MYRIP: variants seen among roughly 807,000 people sequenced by gnomAD.
MYRIP encodes the protein myosin VIIA and Rab interacting protein.
MYRIP carries 49 observed loss-of-function variants against 98.0 expected under a neutral mutation model. The observed-to-expected ratio is 0.50, with a 90% CI of 0.40 to 0.63. MYRIP has a LOEUF of 0.63. MYRIP is among the 30% of genes least tolerant of loss of function. The pLI, the probability that MYRIP is intolerant of heterozygous loss-of-function variation, is 0.00. For missense variants in MYRIP, 1,004 were observed against 1,058.2 expected (o/e 0.95, Z 0.71); for synonymous variants, 404 against 409.5 (o/e 0.99, Z 0.16).
chr3:39,869,446 G>A (rs987376184), intron 1 of MYRIP, among the ~76,000 whole-genome samples: 1 of 151,834 alleles, frequency 6.6e-6, no homozygotes, highest in African/African-American at 2.4e-5. Flanking sequence ...ATTCTCTGGT[G>A]ATACATCATT....
intron 3 of MYRIP, among the ~76,000 whole-genome samples, chr3:40,054,712 G>A (rs1259874423): frequency 6.6e-6 from 1 of 152,096 alleles, no homozygotes; most frequent in Non-Finnish European, 1.5e-5. Context: ...CCTACAAAGT[G>A]TGGACTTGCT....
At chr3:39,881,747 T>C (rs552917768) in intron 1 of MYRIP, among the ~76,000 whole-genome samples, 2 of 152,254 alleles carry the variant, frequency 1.3e-5, no homozygotes, top group East Asian at 3.9e-4. Context: ...TATTTTAACC[T>C]TTTTAGCTCT....
chr3:40,104,382 C>T (rs1349097570), intron 3 of MYRIP, among the ~76,000 whole-genome samples: 1 of 152,092 alleles, frequency 6.6e-6, no homozygotes, highest in Non-Finnish European at 1.5e-5. Context: ...AGAAGATGAA[C>T]AAAAGTAGAA....
chr3:39,966,327 A>G (rs1346197263), intron 2 of MYRIP, among the ~76,000 whole-genome samples: 2 of 152,208 alleles, frequency 1.3e-5, no homozygotes, highest in Non-Finnish European at 2.9e-5. Flanking sequence ...AGGTTCTCCA[A>G]TGGTTACCAG....
At chr3:39,959,259 A>T (rs1945256286) in intron 2 of MYRIP, among the ~76,000 whole-genome samples, 1 of 152,224 alleles carries the variant, frequency 6.6e-6, no homozygotes, top group Non-Finnish European at 1.5e-5. Flanking sequence ...AATAGCAAAG[A>T]CTTGGAACCA....
chr3:39,914,723 A>G (rs952730942), intron 2 of MYRIP, among the ~76,000 whole-genome samples: 2 of 152,126 alleles, frequency 1.3e-5, no homozygotes, highest in African/African-American at 4.8e-5. Context: ...ATGCACCTAT[A>G]CTTCCTGCTA....
At chr3:39,959,206 A>G (rs1000831839) in intron 2 of MYRIP, among the ~76,000 whole-genome samples, 3 of 152,238 alleles carry the variant, frequency 2.0e-5, no homozygotes, top group Admixed American at 1.3e-4. Context: ...TCATGCTGCT[A>G]TAAAGACACA....
intron 2 of MYRIP, among the ~76,000 whole-genome samples, chr3:39,923,126 C>A (rs994199766): frequency 6.6e-6 from 1 of 151,896 alleles, no homozygotes; most frequent in Non-Finnish European, 1.5e-5. Flanking sequence ...GCAGGTAGAA[C>A]AATAGAAATT....
At chr3:40,080,784 C>T (rs999875607) in intron 3 of MYRIP, among the ~76,000 whole-genome samples, 1 of 132,754 alleles carries the variant, frequency 7.5e-6, no homozygotes, top group African/African-American at 2.7e-5. Flanking sequence ...GTTTTCTATC[C>T]TAACTTCTTT....
At chr3:39,976,034 C>A (rs1173941006) in intron 2 of MYRIP, among the ~76,000 whole-genome samples, 5 of 152,168 alleles carry the variant, frequency 3.3e-5, no homozygotes, top group South Asian at 2.1e-4. Context: ...GCAACAAAAG[C>A]CAAAATTGAC....
At chr3:40,247,651 G>A (rs58214074) in intron 13 of MYRIP, among the ~76,000 whole-genome samples, 8,344 of 152,224 alleles carry the variant, frequency 0.055, 393 homozygotes, top group African/African-American at 0.13. Context: ...AGCCTCCCGA[G>A]TAGCTGGGAT....
At chr3:39,888,789 G>T (rs141530037) in intron 1 of MYRIP, among the ~76,000 whole-genome samples, 2,214 of 152,238 alleles carry the variant, frequency 0.015, 23 homozygotes, top group Middle Eastern at 0.027. Context: ...ATCTGACAAA[G>T]GGTAATATCC....
At chr3:39,870,269 C>G (rs1942746357) in intron 1 of MYRIP, among the ~76,000 whole-genome samples, 1 of 152,154 alleles carries the variant, frequency 6.6e-6, no homozygotes. Context: ...GAAGGAGAGA[C>G]CTGACACAGA....
chr3:39,936,063 A>T (rs1944650022), intron 2 of MYRIP, among the ~76,000 whole-genome samples: 1 of 151,510 alleles, frequency 6.6e-6, no homozygotes, highest in South Asian at 2.1e-4. Flanking sequence ...ATGTTATTCA[A>T]ATTCTATTGA....
chr3:39,894,931 T>C (rs1305938234), intron 1 of MYRIP, among the ~76,000 whole-genome samples: 1 of 152,204 alleles, frequency 6.6e-6, no homozygotes, highest in Non-Finnish European at 1.5e-5. Context: ...CCTCTACAAA[T>C]GTATATAAGT....
intron 1 of MYRIP, among the ~76,000 whole-genome samples, chr3:39,818,836 T>C (rs956542033): frequency 9.2e-5 from 14 of 152,156 alleles, no homozygotes; most frequent in Non-Finnish European, 1.8e-4. Flanking sequence ...CTAATTTAAA[T>C]TTCTATAGCA....
chr3:39,881,457 C>T (rs572177779), intron 1 of MYRIP, among the ~76,000 whole-genome samples: 33 of 152,288 alleles, frequency 2.2e-4, no homozygotes, highest in African/African-American at 4.8e-4. Flanking sequence ...TTCATTTAAA[C>T]GTATCAGTTT....
chr3:40,144,245 C>CT (rs1444827031), intron 3 of MYRIP, among the ~76,000 whole-genome samples: 1 of 152,160 alleles, frequency 6.6e-6, no homozygotes, highest in Non-Finnish European at 1.5e-5. Context: ...GTCAGATCTG[C>CT]TTTTGAACCT....
intron 11 of MYRIP, among the ~76,000 whole-genome samples, chr3:40,233,584 T>C (rs1324206255): frequency 1.3e-5 from 2 of 152,164 alleles, no homozygotes; most frequent in African/African-American, 4.8e-5. Flanking sequence ...GCAGAGGACA[T>C]ACAGTTTCCA....
Sources: allele counts gnomAD v4.1 joint callset (sites outside exome capture counted in the v4.1 genomes callset), GRCh38; gene constraint gnomAD v4.1.1; transcripts MANE v1.5; gene names NCBI Gene and HGNC (gene_info 2026-07-23, HGNC 2026-07-21).